The following KANSL1L variants were observed in gnomAD, a reference collection of about 807,000 sequenced individuals.
KANSL1L encodes KAT8 regulatory NSL complex subunit 1 like, also known as KAT8 regulatory NSL complex subunit 1-like protein.
In KANSL1L, 25 loss-of-function variants were observed where a neutral mutation model predicts 108.6. That is an observed-to-expected ratio of 0.23 (90% CI 0.17 to 0.32). The LOEUF (loss-of-function observed/expected upper bound fraction) is 0.32, where lower values mean the gene tolerates loss of function less well. Among genes scored for constraint, KANSL1L ranks in the 10% least tolerant of loss-of-function variants. The probability of loss-of-function intolerance (pLI) is 1.00; values close to 1 mark genes in which losing one functional copy is unlikely to be tolerated. For synonymous variants in KANSL1L, 405 were observed against 395.1 expected (o/e 1.03, Z -0.30); for missense variants, 1,137 against 1,125.7 (o/e 1.01, Z -0.14).
chr2:210,067,794 A>G (rs778964759), intron 6 of KANSL1L, among the ~76,000 whole-genome samples: 19 of 151,186 alleles, frequency 1.3e-4, no homozygotes, highest in Non-Finnish European at 2.1e-4. Flanking sequence ...TTTTAAACAC[A>G]TTTTCATATG....
chr2:210,023,038 T>C lies in KANSL1L; in HGVS notation c.2875A>G (p.Asn959Asp), dbSNP rs1323311582. ...GACTGCTTTTTTGGATGGTGGCCAT[T>C]CTCTGGTACACTGGTACCGAAGATT... Reference protein sequence around the residue: ...GEIFGTSVPENGHHPKKQSDG... With the variant: ...GEIFGTSVPEDGHHPKKQSDG... The change falls in exon 15 of 15, where the codon AAT (asparagine) becomes GAT (aspartate). Residue 959 changes from asparagine (N) to aspartate (D), a missense_variant. Asn to Asp is a conservative substitution (Grantham distance 23). This residue lies in a region of KANSL1L where 575 missense variants were observed against 567.1 expected (regional missense o/e 1.01). Coordinates refer to ENST00000281772, the MANE Select transcript of KANSL1L (RefSeq NM_152519.4). 6.2e-7 allele frequency: 1 copy of C among 1,613,928 alleles called. No individual in the cohort carries two copies. Among genetic ancestry groups the C allele is most frequent in the Non-Finnish European group, 8.5e-7 (1 of 1,179,944 alleles).
intron 8 of KANSL1L, among the ~76,000 whole-genome samples, chr2:210,039,891 GTT>G (rs2125176594): frequency 6.6e-6 from 1 of 151,834 alleles, no homozygotes; most frequent in Admixed American, 6.5e-5. Flanking sequence ...CAACTATAGA[GTT>G]TACTTCATTG....
rs773815030 is a variant in KANSL1L at position 210,075,639 on chromosome 2, C to T, written c.1668G>A (p.Met556Ile). ...TRLKSSSLTF[M>I]STSARTRPLQ... ...GTGGCCTTGTTCGGGCTGATGTACT[C>T]ATGAAAGTCAAGGATGAAGATTTCA... Residue 556 changes from methionine (M) to isoleucine (I), a missense_variant, in exon 6 of 15, where the codon ATG (methionine) becomes ATA (isoleucine). Transcript: ENST00000281772. The T allele has an allele frequency of 1.7e-5, 28 of 1,613,930 alleles. No individual in the cohort carries two copies. The South Asian group carries it at 2.2e-4, about 13-fold the overall frequency.
chr2:210,118,235 G>A (rs1354718402), intron 3 of KANSL1L, among the ~76,000 whole-genome samples: 3 of 149,448 alleles, frequency 2.0e-5, no homozygotes, highest in African/African-American at 4.9e-5. Flanking sequence ...TTGGGAGGCC[G>A]AGGCGGGTGG....
Position 210,022,842 on chromosome 2 carries a change from T to C in KANSL1L, c.*107A>G. Reference sequence around the variant, plus strand: ...TTTCATAAACAGCATAAAAGATTAATACATGCAGAACATGCTCTTATTCTG... The same window carrying C: ...TTTCATAAACAGCATAAAAGATTAACACATGCAGAACATGCTCTTATTCTG... On this transcript the variant is annotated 3_prime_UTR_variant, in exon 15 of 15. Transcript: ENST00000281772. The C allele has an allele frequency of 2.7e-6, 2 of 750,166 alleles. No individual in the cohort carries two copies. Among genetic ancestry groups the C allele is most frequent in the Non-Finnish European group, 4.4e-6 (2 of 452,738 alleles). The allele number at this position is 750,166 out of a possible 1,614,324, so 46.5% of individuals were successfully genotyped here. A position where few individuals can be genotyped will look rare whatever the true frequency, so the allele number is the denominator to read the frequency against.
In KANSL1L at chr2:210,025,251, G is replaced by GAAAC. The variant is rs571919689; in HGVS notation, c.2452-39_2452-36dup. 2.0e-4 allele frequency: 248 copies of GAAAC among 1,260,410 alleles called. 1 individual carries two copies. In the African/African-American group the frequency reaches 3.2e-3, roughly 16 times the overall value. 78.1% of individuals were successfully genotyped at this position (1,260,410 alleles called of 1,614,324 possible). A position where few individuals can be genotyped will look rare whatever the true frequency, so the allele number is the denominator to read the frequency against. ...GAAATAAAGATTTTTGTTTTAATCA[G>GAAAC]AAACATTTTGAAATATAAGATCAGG... On this transcript the variant is annotated intron_variant, in intron 12 of 14. Transcript: ENST00000281772.
intron 8 of KANSL1L, among the ~76,000 whole-genome samples, chr2:210,034,657 A>G (rs1327884064): frequency 6.6e-6 from 1 of 152,212 alleles, no homozygotes; most frequent in Non-Finnish European, 1.5e-5. Flanking sequence ...TATAGATAAG[A>G]GATCATGTTG....
chr2:210,125,733 C>T (rs62201634), intron 3 of KANSL1L, among the ~76,000 whole-genome samples: 59,758 of 151,870 alleles, frequency 0.39, 13,373 homozygotes, highest in Middle Eastern at 0.58. Context: ...GAAAGAAAAC[C>T]CTATCATCAT....
At chr2:210,037,802 A>G (rs1363983461) in intron 8 of KANSL1L, among the ~76,000 whole-genome samples, 1 of 152,176 alleles carries the variant, frequency 6.6e-6, no homozygotes, top group Admixed American at 6.5e-5. Context: ...ACCACAATGC[A>G]TTATTACAAG....
At chr2:210,096,374 C>T (rs1012847955) in intron 5 of KANSL1L, 4 of 357,070 alleles carry the variant, frequency 1.1e-5, no homozygotes, top group East Asian at 1.6e-4. Flanking sequence ...GAGTTATTCA[C>T]AAGTGAAGAC....
At chr2:210,161,681 G>A (rs982659610) in intron 1 of KANSL1L, among the ~76,000 whole-genome samples, 3 of 152,090 alleles carry the variant, frequency 2.0e-5, no homozygotes, top group Admixed American at 6.5e-5. Flanking sequence ...TCAAGAGTTC[G>A]TAGAAATTAG....
chr2:210,134,945 T>C (rs1382956887), intron 2 of KANSL1L, among the ~76,000 whole-genome samples: 4 of 152,056 alleles, frequency 2.6e-5, no homozygotes, highest in East Asian at 1.9e-4. Flanking sequence ...CAAAGAATCA[T>C]AGACCAAGAG....
intron 5 of KANSL1L, among the ~76,000 whole-genome samples, chr2:210,079,631 T>TAC (rs2125339154): frequency 1.7e-4 from 1 of 5,984 alleles, no homozygotes; most frequent in Admixed American, 3.9e-3. Flanking sequence ...TATATATATA[T>TAC]ATATATATAT....
At chr2:210,074,482 C>A (rs2094528783) in intron 6 of KANSL1L, among the ~76,000 whole-genome samples, 3 of 152,038 alleles carry the variant, frequency 2.0e-5, no homozygotes, top group African/African-American at 7.3e-5. Context: ...GGCACCGCCA[C>A]CACGCTGGGC....
chr2:210,087,461 C>T (rs1054081364), intron 5 of KANSL1L, among the ~76,000 whole-genome samples: 2 of 152,110 alleles, frequency 1.3e-5, no homozygotes, highest in East Asian at 3.9e-4. Flanking sequence ...AGCAGAACTG[C>T]AGGAGACAGC....
intron 6 of KANSL1L, among the ~76,000 whole-genome samples, chr2:210,054,798 GA>G (rs1559518562): frequency 6.6e-6 from 1 of 151,574 alleles, no homozygotes; most frequent in Non-Finnish European, 1.5e-5. Flanking sequence ...AGGGAAGGGG[GA>G]AAGGAAGGGA....
chr2:210,050,186 G>A (rs924459896), intron 6 of KANSL1L, among the ~76,000 whole-genome samples: 1 of 152,166 alleles, frequency 6.6e-6, no homozygotes, highest in African/African-American at 2.4e-5. Context: ...TGTATGCATA[G>A]AGTGAAACAA....
intron 6 of KANSL1L, among the ~76,000 whole-genome samples, chr2:210,048,497 TA>T: frequency 6.6e-6 from 1 of 152,120 alleles, no homozygotes; most frequent in East Asian, 1.9e-4. Context: ...TAAACTTACT[TA>T]TTTTTACATT....
intron 2 of KANSL1L, among the ~76,000 whole-genome samples, chr2:210,136,350 C>T (rs1047543545): frequency 9.9e-5 from 15 of 151,994 alleles, no homozygotes; most frequent in East Asian, 3.9e-4. Flanking sequence ...ATCGCTACCA[C>T]GCCTCTTCTC....
Sources: gnomAD v4.1 joint callset for allele counts (sites outside exome capture counted in the v4.1 genomes callset) on GRCh38, gnomAD v4.1.1 for gene constraint, gnomAD v4.1.1 regional missense constraint, MANE v1.5 for transcripts, NCBI Gene and HGNC (gene_info 2026-07-23, HGNC 2026-07-21) for gene names.